BROX: variants seen among roughly 807,000 people sequenced by gnomAD.
BROX encodes the protein BRO1 domain-containing protein BROX.
A neutral mutation model predicts 61.0 loss-of-function variants in BROX; 53 were observed. The ratio of observed to expected loss-of-function variants is 0.87; its 90% CI spans 0.70 to 1.09. The LOEUF is 1.09. Ranked by LOEUF, BROX falls within the 50% of genes least tolerant of loss-of-function variation. BROX has a pLI of 0.00. For synonymous variants in BROX, 152 were observed against 160.2 expected (o/e 0.95, Z 0.38); for missense variants, 489 against 472.0 (o/e 1.04, Z -0.33).
chr1:222,715,628 G>C, intron 1 of BROX, 56 bp from the exon 2 acceptor site: 3 of 730,402 alleles, frequency 4.1e-6, no homozygotes, highest in Non-Finnish European at 6.1e-6. Context: ...TATTTACCTT[G>C]TTTATTAAAT....
chr1:222,729,881 C>T (rs1156750083), intron 10 of BROX, 146 bp from the exon 11 acceptor site: 5 of 970,492 alleles, frequency 5.2e-6, no homozygotes, highest in African/African-American at 1.7e-5. Flanking sequence ...AAATACACAC[C>T]TTCTACTTAC....
intron 11 of BROX, 118 bp from the exon 12 acceptor site, chr1:222,731,239 G>A (rs931337471): frequency 8.3e-5 from 70 of 841,020 alleles, no homozygotes; most frequent in Non-Finnish European, 5.2e-5. Flanking sequence ...TCCTACATAA[G>A]GCAGAAAAAC....
At chr1:222,728,088 T>C (rs1657644914) in intron 8 of BROX, among the ~76,000 whole-genome samples, 1 of 152,158 alleles carries the variant, frequency 6.6e-6, no homozygotes, top group African/African-American at 2.4e-5. Flanking sequence ...TGGGAATGTA[T>C]CTACATTAAA....
chr1:222,728,447 G>A (rs1322741708), intron 8 of BROX, among the ~76,000 whole-genome samples: 1 of 151,996 alleles, frequency 6.6e-6, no homozygotes, highest in Non-Finnish European at 1.5e-5. Flanking sequence ...TAATATAACG[G>A]TATAAACAGT....
Position 222,712,664 on chromosome 1 carries a change from A to C in BROX, c.-295A>C. On this transcript the variant is annotated 5_prime_UTR_variant, in exon 1 of 13. Coordinates refer to ENST00000340934, the MANE Select transcript of BROX (RefSeq NM_144695.4). ...GTCTGGGAAAAAGACCATAGCTCAA[A>C]AGGAAGGCCGAGGGAGAAGTTAGAA... 1 of 1,300,526 alleles carries C rather than the reference A, an allele frequency of 7.7e-7. No individual in the cohort carries two copies. Among genetic ancestry groups the C allele is most frequent in the Non-Finnish European group, 1.0e-6 (1 of 994,768 alleles). The allele number at this position is 1,300,526 out of a possible 1,614,324, so 80.6% of individuals were successfully genotyped here. A position where few individuals can be genotyped will look rare whatever the true frequency, so the allele number is the denominator to read the frequency against.
At chr1:222,725,429 C>CT in intron 6 of BROX, 21 bp from the exon 7 acceptor site, 2 of 1,537,988 alleles carry the variant, frequency 1.3e-6, no homozygotes, top group Non-Finnish European at 1.8e-6. Context: ...TGTTTTTTGT[C>CT]TTTTTTGTTG....
chr1:222,717,168 T>C (rs1378721233), intron 2 of BROX, among the ~76,000 whole-genome samples: 1 of 152,252 alleles, frequency 6.6e-6, no homozygotes, highest in African/African-American at 2.4e-5. Context: ...ATATTATTCT[T>C]CGTTCATTTT....
chr1:222,712,685 T>C lies in BROX; in HGVS notation c.-274T>C, dbSNP rs1436597149. 3.9e-6 allele frequency: 5 copies of C among 1,296,222 alleles called. No individual in the cohort carries two copies. The highest frequency in any genetic ancestry group is 2.5e-5 in the South Asian group (2 of 80,808). 80.3% of individuals were successfully genotyped at this position (1,296,222 alleles called of 1,614,324 possible). A position where few individuals can be genotyped will look rare whatever the true frequency, so the allele number is the denominator to read the frequency against. On this transcript the variant is annotated 5_prime_UTR_variant, in exon 1 of 13. Coordinates refer to ENST00000340934, the MANE Select transcript of BROX (RefSeq NM_144695.4). ...TCAAAAGGAAGGCCGAGGGAGAAGT[T>C]AGAAAGGGATGATGAACGAAGCGTT...
At chr1:222,731,591 T>G (rs1657944607) in intron 12 of BROX, 75 bp downstream of exon 12, 1 of 1,457,918 alleles carries the variant, frequency 6.9e-7, no homozygotes, top group Non-Finnish European at 9.3e-7. Flanking sequence ...ATTTTGATAT[T>G]TTTCTCTAAA....
intron 12 of BROX, 24 bp from the exon 13 acceptor site, chr1:222,732,604 A>C (rs1232022421): frequency 6.5e-7 from 1 of 1,550,020 alleles, no homozygotes; most frequent in Non-Finnish European, 8.9e-7. Flanking sequence ...TTATGTACTT[A>C]AACTGTGGTT....
chr1:222,728,257 A>G (rs930737560), intron 8 of BROX, among the ~76,000 whole-genome samples: 2 of 152,180 alleles, frequency 1.3e-5, no homozygotes, highest in Admixed American at 1.3e-4. Flanking sequence ...CAAATACAGC[A>G]ACGTAGCAAA....
At chr1:222,727,685 G>A (rs1220914446) in intron 8 of BROX, among the ~76,000 whole-genome samples, 2 of 152,160 alleles carry the variant, frequency 1.3e-5, no homozygotes, top group Admixed American at 1.3e-4. Flanking sequence ...TTATTTATGG[G>A]ATAGTTACTG....
At position 222,719,117 on chromosome 1, in the gene BROX, T is replaced by G; in HGVS notation, c.208+86T>G. The G allele has an allele frequency of 3.7e-6, 5 of 1,337,024 alleles. No homozygotes were observed. In the South Asian group the frequency reaches 6.3e-5, roughly 17 times the overall value. 82.8% of individuals were successfully genotyped at this position (1,337,024 alleles called of 1,614,324 possible). ...TCTTTGACTTTTCAAATTTGATTAG[T>G]TTACTCTTCCAGACTGTATTCTTTG... On this transcript the variant is annotated intron_variant, in intron 3 of 12. Transcript: ENST00000340934.
rs1433058904 is a variant in BROX at position 222,718,996 on chromosome 1, A to G, written c.173A>G (p.Lys58Arg). 1.2e-6 allele frequency: 2 copies of G among 1,613,582 alleles called. No homozygotes were observed. The highest frequency in any genetic ancestry group is 1.3e-5 in the African/African-American group (1 of 74,896). ...TTGAGCTGTAATCCAGAAATGATGAAGAATGCAGCAGATTCATATTTCTCA... is the reference window on the plus strand; with the variant it reads ...TTGAGCTGTAATCCAGAAATGATGAGGAATGCAGCAGATTCATATTTCTCA... The part of the protein sequence containing the change: ...TDLSCNPEMM[K>R]NAADSYFSLL... Residue 58 changes from lysine to arginine, a missense_variant, in exon 3 of 13, where the codon AAG becomes AGG. Lys to Arg is a conservative substitution (Grantham distance 26). Coordinates refer to ENST00000340934, the MANE Select transcript of BROX (RefSeq NM_144695.4).
chr1:222,715,567 C>A, intron 1 of BROX, 117 bp from the exon 2 acceptor site: 1 of 443,644 alleles, frequency 2.3e-6, no homozygotes, highest in Non-Finnish European at 3.8e-6. Context: ...AAAATTTAGC[C>A]AGGCTAATTT....
chr1:222,722,394 T>A (rs1205766807), intron 4 of BROX, 25 bp from the exon 5 acceptor site: 4 of 1,579,094 alleles, frequency 2.5e-6, no homozygotes, highest in South Asian at 1.1e-5. Flanking sequence ...TTGACAGAAC[T>A]TAATGATCAT....
chr1:222,718,452 G>A (rs1323628312), intron 2 of BROX, among the ~76,000 whole-genome samples: 2 of 151,968 alleles, frequency 1.3e-5, no homozygotes, highest in East Asian at 3.8e-4. Context: ...ACATTTTTGT[G>A]TTTTATGTCA....
At chr1:222,725,348 C>A (rs967134736) in intron 6 of BROX, 102 bp from the exon 7 acceptor site, 1 of 670,460 alleles carries the variant, frequency 1.5e-6, no homozygotes, top group Non-Finnish European at 2.5e-6. Flanking sequence ...GCTAAGCCTC[C>A]CAGTTGAATG....
intron 1 of BROX, chr1:222,713,408 G>A: frequency 1.0e-6 from 1 of 985,606 alleles, no homozygotes; most frequent in Non-Finnish European, 1.2e-6. Context: ...GCTCGGGGGC[G>A]GCGCTCAGGT....
Sources: allele counts gnomAD v4.1 joint callset (sites outside exome capture counted in the v4.1 genomes callset), GRCh38; gene constraint gnomAD v4.1.1; transcripts MANE v1.5; gene names NCBI Gene and HGNC (gene_info 2026-07-23, HGNC 2026-07-21).